Variants in KCNMB2 observed in about 807,000 individuals in gnomAD.
KCNMB2 encodes the protein potassium calcium-activated channel subfamily M regulatory beta subunit 2.
Under a neutral mutation model 24.5 loss-of-function variants are expected in KCNMB2, and 9 were observed. The ratio of observed to expected loss-of-function variants is 0.37; its 90% CI spans 0.22 to 0.64. KCNMB2 has a LOEUF of 0.64. Ranked by LOEUF, KCNMB2 falls within the 30% of genes least tolerant of loss-of-function variation. KCNMB2 has a pLI of 0.63. For synonymous variants in KCNMB2, 109 were observed against 104.4 expected, an observed-to-expected ratio of 1.04 and a Z score of -0.27; for missense variants, 226 against 284.3, an observed-to-expected ratio of 0.79 and a Z score of 1.47.
At chr3:178,815,363 C>T (rs1429495403) in intron 2 of KCNMB2, among the ~76,000 whole-genome samples, 1 of 151,858 alleles carries the variant, frequency 6.6e-6, no homozygotes, top group Non-Finnish European at 1.5e-5. Context: ...TCAAGTGATC[C>T]TCCTCCCACC....
At chr3:178,553,534 T>C (rs975662229) in intron 1 of KCNMB2, among the ~76,000 whole-genome samples, 9 of 149,560 alleles carry the variant, frequency 6.0e-5, no homozygotes, top group African/African-American at 2.3e-4. Context: ...TTCAGAGAGA[T>C]TCCTTTTTTT....
chr3:178,783,367 G>A (rs1244556409), intron 1 of KCNMB2, among the ~76,000 whole-genome samples: 2 of 148,968 alleles, frequency 1.3e-5, no homozygotes, highest in Admixed American at 6.7e-5. Flanking sequence ...CATTGAATCT[G>A]TAAATTACCT....
rs767083573 is a variant in KCNMB2 at position 178,825,744 on chromosome 3, C to A, written c.213C>A (p.Arg71=). 1 of 1,612,748 alleles carries A rather than the reference C, an allele frequency of 6.2e-7. No individual in the cohort carries two copies. Among genetic ancestry groups the A allele is most frequent in the Admixed American group, 1.7e-5 (1 of 59,966 alleles). The change falls in exon 3 of 5, where the codon CGC becomes CGA. Residue 71 remains arginine (R), a synonymous_variant. Coordinates refer to ENST00000452583, the MANE Select transcript of KCNMB2 (RefSeq NM_181361.3). The part of the protein sequence containing the change: ...MYFLLGITLL[R]SYMQSVWTEE... ...TTCTGCTGGGAATCACACTCCTGCG[C>A]TCATACATGCAGAGGTAATACCACT...
intron 1 of KCNMB2, among the ~76,000 whole-genome samples, chr3:178,713,879 T>C (rs1219620671): frequency 1.3e-5 from 2 of 152,184 alleles, no homozygotes; most frequent in African/African-American, 2.4e-5. Flanking sequence ...CCAAGTAATA[T>C]AGCCCCTGGA....
At chr3:178,755,682 G>C (rs1325013777) in intron 1 of KCNMB2, among the ~76,000 whole-genome samples, 2 of 152,028 alleles carry the variant, frequency 1.3e-5, no homozygotes, top group Non-Finnish European at 2.9e-5. Flanking sequence ...CATTCTCTGG[G>C]TTATTATTCC....
At chr3:178,665,023 A>G (rs922395958) in intron 1 of KCNMB2, among the ~76,000 whole-genome samples, 2 of 152,178 alleles carry the variant, frequency 1.3e-5, no homozygotes, top group African/African-American at 4.8e-5. Context: ...TGACCTTGCT[A>G]TAAGAGTTTT....
chr3:178,672,002 T>C (rs1383511100), intron 1 of KCNMB2, among the ~76,000 whole-genome samples: 2 of 152,120 alleles, frequency 1.3e-5, no homozygotes, highest in Non-Finnish European at 2.9e-5. Context: ...AATAACATTC[T>C]TTCATCATCT....
At chr3:178,739,914 C>G (rs535669230) in intron 1 of KCNMB2, among the ~76,000 whole-genome samples, 1 of 152,308 alleles carries the variant, frequency 6.6e-6, no homozygotes, top group African/African-American at 2.4e-5. Context: ...CAGACTCACC[C>G]TGACACTGTG....
chr3:178,837,559 A>T (rs1432932192), intron 4 of KCNMB2, among the ~76,000 whole-genome samples: 8 of 152,198 alleles, frequency 5.3e-5, no homozygotes, highest in Non-Finnish European at 1.2e-4. Context: ...TGGTCTAGTG[A>T]CAGCTGGTTT....
At chr3:178,644,365 T>C (rs1030035752) in intron 1 of KCNMB2, among the ~76,000 whole-genome samples, 4 of 152,192 alleles carry the variant, frequency 2.6e-5, no homozygotes, top group East Asian at 1.9e-4. Flanking sequence ...AAGATGTGAA[T>C]TGGACCACAG....
chr3:178,662,031 C>G (rs1361031882), intron 1 of KCNMB2, among the ~76,000 whole-genome samples: 3 of 152,158 alleles, frequency 2.0e-5, no homozygotes, highest in Non-Finnish European at 4.4e-5. Flanking sequence ...AAACAATCTG[C>G]TATGATATTC....
At chr3:178,817,266 C>T (rs1361844795) in intron 2 of KCNMB2, among the ~76,000 whole-genome samples, 1 of 140,690 alleles carries the variant, frequency 7.1e-6, no homozygotes, top group Non-Finnish European at 1.5e-5. Flanking sequence ...AACTCAAAAA[C>T]ACATTGCTCC....
At chr3:178,751,857 C>T (rs1723862705) in intron 1 of KCNMB2, among the ~76,000 whole-genome samples, 1 of 152,142 alleles carries the variant, frequency 6.6e-6, no homozygotes, top group Non-Finnish European at 1.5e-5. Context: ...TTTTTGAGAT[C>T]CTAATATATC....
At chr3:178,670,230 A>G (rs1199929447) in intron 1 of KCNMB2, among the ~76,000 whole-genome samples, 1 of 152,122 alleles carries the variant, frequency 6.6e-6, no homozygotes, top group East Asian at 1.9e-4. Context: ...GCAATCCTCA[A>G]GGACAGGACA....
At chr3:178,729,240 A>G (rs1368514430) in intron 1 of KCNMB2, 2 of 152,210 alleles carry the variant, frequency 1.3e-5, no homozygotes, top group Non-Finnish European at 2.9e-5. Flanking sequence ...AGAGTAAGTT[A>G]ATAAGTCAGG....
intron 1 of KCNMB2, among the ~76,000 whole-genome samples, chr3:178,607,658 T>C (rs929588654): frequency 3.9e-5 from 6 of 151,992 alleles, no homozygotes; most frequent in Non-Finnish European, 8.8e-5. Context: ...TGTGTATGTG[T>C]GCATAAACAC....
chr3:178,804,646 T>C (rs1713895391), intron 1 of KCNMB2, among the ~76,000 whole-genome samples: 1 of 152,238 alleles, frequency 6.6e-6, no homozygotes, highest in African/African-American at 2.4e-5. Context: ...AAAAATATTC[T>C]AAATGTATTG....
intron 1 of KCNMB2, among the ~76,000 whole-genome samples, chr3:178,770,554 G>C (rs1442079400): frequency 6.6e-6 from 1 of 151,986 alleles, no homozygotes; most frequent in East Asian, 1.9e-4. Context: ...AAATTTTTAG[G>C]GAAATTCTTG....
intron 1 of KCNMB2, among the ~76,000 whole-genome samples, chr3:178,758,077 T>C (rs1162403914): frequency 1.1e-5 from 1 of 88,822 alleles, no homozygotes; most frequent in Non-Finnish European, 2.2e-5. Flanking sequence ...AGGATATATA[T>C]ATATACACAA....
Sources: allele counts gnomAD v4.1 joint callset (sites outside exome capture counted in the v4.1 genomes callset), GRCh38; gene constraint gnomAD v4.1.1; transcripts MANE v1.5; gene names NCBI Gene and HGNC (gene_info 2026-07-23, HGNC 2026-07-21).